The following LYPD1 variants were observed in gnomAD, a reference collection of about 807,000 sequenced individuals.
LYPD1 encodes the protein ly6/PLAUR domain-containing protein 1.
Under a neutral mutation model 14.2 loss-of-function variants are expected in LYPD1, and 14 were observed. The ratio of observed to expected loss-of-function variants is 0.99; its 90% CI spans 0.65 to 1.54. The LOEUF (loss-of-function observed/expected upper bound fraction) is 1.54, where lower values mean the gene tolerates loss of function less well. Ranked by LOEUF, LYPD1 falls within the 40% of genes most tolerant of loss-of-function variation. The pLI is 0.00. For synonymous variants in LYPD1, 85 were observed against 70.6 expected (o/e 1.20, Z -1.02); for missense variants, 165 against 175.7 (o/e 0.94, Z 0.34).
At chr2:132,650,527 A>G (rs532608614) in intron 2 of LYPD1, among the ~76,000 whole-genome samples, 185 of 152,272 alleles carry the variant, frequency 1.2e-3, no homozygotes, top group African/African-American at 4.4e-3. Flanking sequence ...ATGGTAGAGT[A>G]GAGTGTCATG....
intron 2 of LYPD1, among the ~76,000 whole-genome samples, chr2:132,650,356 T>C (rs1682308815): frequency 6.6e-6 from 1 of 152,324 alleles, no homozygotes; most frequent in Middle Eastern, 3.4e-3. Flanking sequence ...CCCACATTGT[T>C]GGTTAGGAGA....
chr2:132,647,454 G>A (rs566654187), intron 2 of LYPD1, among the ~76,000 whole-genome samples: 15 of 152,154 alleles, frequency 9.9e-5, no homozygotes, highest in South Asian at 2.1e-4. Context: ...TTTTTGAGAC[G>A]GAGTCTTGCT....
rs534159877 is a variant in LYPD1 at position 132,643,715 on chromosome 2, T to C, written c.*2330A>G. Among the ~76,000 whole-genome samples the C allele has an allele frequency of 3.1e-4, 47 of 152,306 alleles. No homozygotes were observed. The highest frequency in any genetic ancestry group is 1.0e-3 in the African/African-American group (43 of 41,572). On this transcript the variant is annotated 3_prime_UTR_variant, in exon 3 of 3. Coordinates refer to ENST00000397463, the MANE Select transcript of LYPD1 (RefSeq NM_144586.7). ...TTTCTTTTTTTGTAGAGATGGGGTC[T>C]TGCTATGTTGCCTAGGTGGGTCTCA...
In LYPD1 at chr2:132,669,752, C is replaced by T; in HGVS notation, c.52+129G>A. On this transcript the variant is annotated intron_variant, in intron 1 of 2. Coordinates refer to ENST00000397463, the MANE Select transcript of LYPD1 (RefSeq NM_144586.7). The surrounding 1 kb of genome is among the most constrained non-coding windows in gnomAD (Gnocchi z 4.3). The stretch of plus-strand genomic sequence containing the variant: ...TCGCGCCCCGGGGCACCAGTCGCGG[C>T]CGCCAACTCCCGCTGGGCAGCCCCA... 1.4e-6 allele frequency: 2 copies of T among 1,461,292 alleles called. No homozygotes were observed. Among genetic ancestry groups the T allele is most frequent in the East Asian group, 2.8e-5 (1 of 35,372 alleles). 90.5% of individuals were successfully genotyped at this position (1,461,292 alleles called of 1,614,324 possible). A position where few individuals can be genotyped will look rare whatever the true frequency, so the allele number is the denominator to read the frequency against.
intron 2 of LYPD1, 65 bp from the exon 3 acceptor site, chr2:132,646,345 G>T: frequency 2.6e-6 from 3 of 1,160,050 alleles, no homozygotes; most frequent in Non-Finnish European, 2.3e-6. Flanking sequence ...GTCCCTCTCA[G>T]CCCAAATCCA....
chr2:132,650,728 C>CA (rs989216177), intron 2 of LYPD1, among the ~76,000 whole-genome samples: 16 of 143,334 alleles, frequency 1.1e-4, no homozygotes, highest in African/African-American at 4.0e-4. Flanking sequence ...AAAAAAAAAA[C>CA]AAAAAACAAA....
intron 2 of LYPD1, among the ~76,000 whole-genome samples, chr2:132,665,141 A>G (rs1312680419): frequency 1.3e-5 from 2 of 152,216 alleles, no homozygotes. Context: ...ACTCTGGGGA[A>G]TAGGTAAAGG....
chr2:132,644,339 C>T lies in LYPD1; in HGVS notation c.*1706G>A, dbSNP rs1212291270. The stretch of plus-strand genomic sequence containing the variant: ...TGCTTCTGGGCTGTTGACAGCACAG[C>T]TCAGTGCTGCAAAGGAAGGGAACAT... On this transcript the variant is annotated 3_prime_UTR_variant, in exon 3 of 3. Transcript: ENST00000397463. Among the ~76,000 whole-genome samples, 2 of 152,206 alleles carry T rather than the reference C, an allele frequency of 1.3e-5. No homozygotes were observed. The highest frequency in any genetic ancestry group is 2.9e-5 in the Non-Finnish European group (2 of 68,038).
At chr2:132,663,155 A>G (rs1174699481) in intron 2 of LYPD1, 4 of 152,222 alleles carry the variant, frequency 2.6e-5, no homozygotes, top group African/African-American at 9.6e-5. Context: ...CACAGAATAG[A>G]ATCCCTTCCT....
At chr2:132,667,881 A>G (rs1683375509) in intron 2 of LYPD1, among the ~76,000 whole-genome samples, 1 of 152,232 alleles carries the variant, frequency 6.6e-6, no homozygotes, top group South Asian at 2.1e-4. Context: ...CATTCCTTTG[A>G]AAGATCTTGG....
Position 132,669,771 on chromosome 2 carries a change from A to G in LYPD1, c.52+110T>C. ...TCGCGGCCGCCAACTCCCGCTGGGC[A>G]GCCCCAGCGCAGGGCTGGCCCCGAG... On this transcript the variant is annotated intron_variant, in intron 1 of 2. Transcript: ENST00000397463. This position sits in a 1 kb window ranked among gnomAD's most constrained non-coding sequence, Gnocchi z 4.3. 1 of 1,496,248 alleles carries G rather than the reference A, an allele frequency of 6.7e-7. No individual in the cohort carries two copies. Among genetic ancestry groups the G allele is most frequent in the South Asian group, 1.3e-5 (1 of 78,220 alleles). The allele number at this position is 1,496,248 out of a possible 1,614,324, so 92.7% of individuals were successfully genotyped here. A position where few individuals can be genotyped will look rare whatever the true frequency, so the allele number is the denominator to read the frequency against.
At position 132,645,501 on chromosome 2, in the gene LYPD1, C is replaced by G. The variant is rs1682014498; in HGVS notation, c.*544G>C. On this transcript the variant is annotated 3_prime_UTR_variant, in exon 3 of 3. Transcript: ENST00000397463. ...GCACTTTTCAGAGCGAGGCCGAGCC[C>G]CAGTCTAAGTCCCAGTCATTGAGTC... is the stretch of plus-strand genomic sequence containing the variant. The G allele has an allele frequency of 1.2e-6, 2 of 1,613,558 alleles. No individual in the cohort carries two copies. Among genetic ancestry groups the G allele is most frequent in the Admixed American group, 3.3e-5 (2 of 59,996 alleles).
At chr2:132,658,775 A>C (rs1682751035) in intron 2 of LYPD1, among the ~76,000 whole-genome samples, 1 of 152,192 alleles carries the variant, frequency 6.6e-6, no homozygotes, top group Non-Finnish European at 1.5e-5. Context: ...TGTAACTTGC[A>C]TCTTCTGTGT....
chr2:132,653,127 A>C (rs17396607), intron 2 of LYPD1, among the ~76,000 whole-genome samples: 51,689 of 152,098 alleles, frequency 0.34, 10,077 homozygotes, highest in South Asian at 0.53. Context: ...GAAACTAAAG[A>C]AGCTCATGTC....
chr2:132,654,871 C>G (rs10169270), intron 2 of LYPD1, among the ~76,000 whole-genome samples: 10,552 of 152,058 alleles, frequency 0.069, 1,205 homozygotes, highest in African/African-American at 0.24. Flanking sequence ...GCCTCAGCCT[C>G]CCAAGTAGCT....
At chr2:132,663,566 G>A (rs973988465) in intron 2 of LYPD1, among the ~76,000 whole-genome samples, 1 of 152,188 alleles carries the variant, frequency 6.6e-6, no homozygotes, top group African/African-American at 2.4e-5. Flanking sequence ...ATGAGCCGCC[G>A]TGCCCAGCTT....
In LYPD1 at chr2:132,670,100, GCCTGCATCGC is replaced by G; in HGVS notation, c.-178_-169del. ...AGGAGCCGCAGGTGCCGCTCGCGGA[GCCTGCATCGC>G]CCGCGCTCGGGCTCCCGGCTGCGGG... On this transcript the variant is annotated 5_prime_UTR_variant, in exon 1 of 3. It removes an upstream start codon present in the reference 5' UTR. Coordinates refer to ENST00000397463, the MANE Select transcript of LYPD1 (RefSeq NM_144586.7). This position sits in a 1 kb window ranked among gnomAD's most constrained non-coding sequence, Gnocchi z 4.5. The G allele has an allele frequency of 6.9e-7, 1 of 1,445,972 alleles. No homozygotes were observed. The highest frequency in any genetic ancestry group is 9.0e-7 in the Non-Finnish European group (1 of 1,108,772). The allele number at this position is 1,445,972 out of a possible 1,614,324, so 89.6% of individuals were successfully genotyped here. A position where few individuals can be genotyped will look rare whatever the true frequency, so the allele number is the denominator to read the frequency against.
Position 132,644,375 on chromosome 2 carries a change from G to C in LYPD1, c.*1670C>G, listed in dbSNP as rs549817107. On this transcript the variant is annotated 3_prime_UTR_variant, in exon 3 of 3. Transcript: ENST00000397463. ...AAAGGAAGGGAACATGTTACTGGCT[G>C]AACTAGAAGGAAGTTTTATATTTGC... Among the ~76,000 whole-genome samples, 55 of 152,320 alleles carry C rather than the reference G, an allele frequency of 3.6e-4. No homozygotes were observed. The highest frequency in any genetic ancestry group is 1.3e-3 in the African/African-American group (52 of 41,588).
chr2:132,658,256 C>G (rs1682719843), intron 2 of LYPD1, among the ~76,000 whole-genome samples: 1 of 152,190 alleles, frequency 6.6e-6, no homozygotes, highest in African/African-American at 2.4e-5. Flanking sequence ...CCAAGATCAC[C>G]TATGTAGACT....
Sources: allele counts gnomAD v4.1 joint callset (sites outside exome capture counted in the v4.1 genomes callset), GRCh38; gene constraint gnomAD v4.1.1; non-coding constraint Gnocchi (gnomAD v3.1); transcripts MANE v1.5; gene names NCBI Gene and HGNC (gene_info 2026-07-23, HGNC 2026-07-21).